The following FGF14 variants were observed in gnomAD, a reference collection of about 807,000 sequenced individuals.
The protein encoded by FGF14 is fibroblast growth factor 14.
In FGF14, 5 loss-of-function variants were observed where a neutral mutation model predicts 25.5. The observed-to-expected ratio is 0.20, with a 90% confidence interval of 0.10 to 0.41. The LOEUF (loss-of-function observed/expected upper bound fraction) is 0.41, where lower values mean the gene tolerates loss of function less well. Ranked by LOEUF, FGF14 falls within the 10% of genes least tolerant of loss-of-function variation. FGF14 has a pLI of 1.00. For missense variants in FGF14, 222 were observed against 320.1 expected, an observed-to-expected ratio of 0.69 and a Z score of 2.34; for synonymous variants, 138 against 118.3, an observed-to-expected ratio of 1.17 and a Z score of -1.08.
chr13:102,311,757 T>C (rs559348056), intron 1 of FGF14, among the ~76,000 whole-genome samples: 17 of 152,328 alleles, frequency 1.1e-4, no homozygotes, highest in African/African-American at 3.4e-4. Flanking sequence ...TCTGTGATCA[T>C]AGATGAGAGC....
chr13:102,266,061 G>A (rs1030493773), intron 1 of FGF14, among the ~76,000 whole-genome samples: 1 of 151,972 alleles, frequency 6.6e-6, no homozygotes, highest in Non-Finnish European at 1.5e-5. Context: ...AATACAAAAT[G>A]AGAGAAAAAA....
chr13:102,015,640 T>C (rs2040300783), intron 1 of FGF14, among the ~76,000 whole-genome samples: 1 of 152,160 alleles, frequency 6.6e-6, no homozygotes, highest in Non-Finnish European at 1.5e-5. Flanking sequence ...AGGCAATGCA[T>C]CAGTGTCATG....
At chr13:102,042,023 T>C (rs1182877953) in intron 1 of FGF14, among the ~76,000 whole-genome samples, 3 of 152,166 alleles carry the variant, frequency 2.0e-5, no homozygotes, top group Non-Finnish European at 4.4e-5. Context: ...ACAAAATGTT[T>C]GGTAACAAAC....
At chr13:101,946,559 T>C (rs2035821514) in intron 1 of FGF14, among the ~76,000 whole-genome samples, 1 of 152,198 alleles carries the variant, frequency 6.6e-6, no homozygotes, top group Non-Finnish European at 1.5e-5. Flanking sequence ...AATATCACCC[T>C]TCTGGTCTGT....
chr13:101,843,048 C>T (rs1161383851), intron 3 of FGF14, among the ~76,000 whole-genome samples: 1 of 152,034 alleles, frequency 6.6e-6, no homozygotes, highest in East Asian at 1.9e-4. Flanking sequence ...ATGTATTAAG[C>T]ACCTGTAGTG....
At chr13:101,884,522 G>A (rs1296577208) in intron 1 of FGF14, among the ~76,000 whole-genome samples, 1 of 151,968 alleles carries the variant, frequency 6.6e-6, no homozygotes, top group Non-Finnish European at 1.5e-5. Context: ...TAGATTCCAG[G>A]TGCCTAGAAC....
At chr13:102,336,125 G>C (rs1260305985) in intron 1 of FGF14, among the ~76,000 whole-genome samples, 2 of 152,152 alleles carry the variant, frequency 1.3e-5, no homozygotes, top group African/African-American at 4.8e-5. Context: ...TAAATAAAAA[G>C]CTAGAAATGA....
intron 1 of FGF14, among the ~76,000 whole-genome samples, chr13:102,041,596 AGAG>A (rs2041746667): frequency 7.1e-6 from 1 of 140,338 alleles, no homozygotes; most frequent in Non-Finnish European, 1.5e-5. Context: ...AAAAAAAAAA[AGAG>A]AGATTTTATT....
At chr13:102,289,973 G>C (rs909986629) in intron 1 of FGF14, among the ~76,000 whole-genome samples, 1 of 151,998 alleles carries the variant, frequency 6.6e-6, no homozygotes, top group Non-Finnish European at 1.5e-5. Context: ...TAGCCTGAGA[G>C]GGTTATTCTA....
intron 3 of FGF14, among the ~76,000 whole-genome samples, chr13:101,731,064 G>A (rs945543565): frequency 6.6e-6 from 1 of 152,066 alleles, no homozygotes; most frequent in Non-Finnish European, 1.5e-5. Context: ...GTGGGTCAAG[G>A]GGCCACAGGG....
At chr13:101,879,545 G>A (rs920546361) in intron 1 of FGF14, among the ~76,000 whole-genome samples, 2 of 152,092 alleles carry the variant, frequency 1.3e-5, no homozygotes, top group African/African-American at 2.4e-5. Flanking sequence ...GAAGACTGGC[G>A]AAAGAAGAAT....
chr13:101,952,119 T>C (rs2036205831), intron 1 of FGF14, among the ~76,000 whole-genome samples: 1 of 152,232 alleles, frequency 6.6e-6, no homozygotes, highest in Non-Finnish European at 1.5e-5. Flanking sequence ...TTTTTTCATT[T>C]TGTCTTTGAA....
Position 101,718,606 on chromosome 13 carries a change from A to G in FGF14, c.*4225T>C, listed in dbSNP as rs568363576. 4 of 152,140 alleles carry G rather than the reference A, an allele frequency of 2.6e-5. No homozygotes were observed. In the East Asian group the frequency reaches 7.8e-4, roughly 30 times the overall value. The allele number at this position is 152,140 out of a possible 1,614,324, so 9.4% of individuals were successfully genotyped here. A position where few individuals can be genotyped will look rare whatever the true frequency, so the allele number is the denominator to read the frequency against. ...GTATTCCACCCAGAGACTTTTTCAA[A>G]AAAGTCAACTAAAGTGCTAAGTCAT... is the stretch of plus-strand genomic sequence containing the variant. On this transcript the variant is annotated 3_prime_UTR_variant, in exon 5 of 5. Transcript: ENST00000376143.
At chr13:102,372,022 T>C (rs1286154966) in intron 1 of FGF14, among the ~76,000 whole-genome samples, 2 of 152,204 alleles carry the variant, frequency 1.3e-5, no homozygotes, top group East Asian at 3.8e-4. Context: ...AGTAGGAAGA[T>C]GTTCTTCTAT....
chr13:102,152,893 T>G (rs2047150222), intron 1 of FGF14, among the ~76,000 whole-genome samples: 1 of 152,172 alleles, frequency 6.6e-6, no homozygotes, highest in African/African-American at 2.4e-5. Context: ...GGGGGCCGTT[T>G]AAGAGGTCTG....
chr13:102,146,506 T>C (rs1452503554), intron 1 of FGF14, among the ~76,000 whole-genome samples: 1 of 152,170 alleles, frequency 6.6e-6, no homozygotes, highest in Non-Finnish European at 1.5e-5. Flanking sequence ...TGAAGCTGCC[T>C]TTATAACAAT....
At chr13:102,219,842 A>T (rs528910084) in intron 1 of FGF14, among the ~76,000 whole-genome samples, 2 of 152,288 alleles carry the variant, frequency 1.3e-5, no homozygotes, top group East Asian at 3.9e-4. Flanking sequence ...ACCCAGGGAC[A>T]TTACTTGTAT....
intron 1 of FGF14, among the ~76,000 whole-genome samples, chr13:102,372,710 A>T (rs964581815): frequency 6.6e-6 from 1 of 152,128 alleles, no homozygotes; most frequent in African/African-American, 2.4e-5. Flanking sequence ...CTACAGAACT[A>T]GTCTCAGGAC....
chr13:102,124,585 T>A (rs1474445728), intron 1 of FGF14, among the ~76,000 whole-genome samples: 1 of 152,084 alleles, frequency 6.6e-6, no homozygotes, highest in Non-Finnish European at 1.5e-5. Flanking sequence ...AATGCACCAG[T>A]ATGGATACAG....
Sources: gnomAD v4.1 joint callset for allele counts (sites outside exome capture counted in the v4.1 genomes callset) on GRCh38, gnomAD v4.1.1 for gene constraint, MANE v1.5 for transcripts, NCBI Gene and HGNC (gene_info 2026-07-23, HGNC 2026-07-21) for gene names.